Variants in PLAT observed in about 807,000 individuals in gnomAD.
PLAT encodes the protein plasminogen activator, tissue type, also known as tissue-type plasminogen activator.
A neutral mutation model predicts 74.9 loss-of-function variants in PLAT; 48 were observed. The ratio of observed to expected loss-of-function variants is 0.64; its 90% CI spans 0.51 to 0.82. PLAT has a LOEUF of 0.82. Ranked by LOEUF, PLAT falls within the 40% of genes least tolerant of loss-of-function variation. The probability of loss-of-function intolerance (pLI) is 0.00; values close to 1 mark genes in which losing one functional copy is unlikely to be tolerated. For synonymous variants in PLAT, 307 were observed against 294.4 expected (o/e 1.04, Z -0.44); for missense variants, 673 against 736.2 (o/e 0.91, Z 0.99).
intron 1 of PLAT, among the ~76,000 whole-genome samples, chr8:42,197,592 C>A (rs992412293): frequency 6.6e-6 from 1 of 152,072 alleles, no homozygotes; most frequent in Admixed American, 6.6e-5. Flanking sequence ...AAATGATGGT[C>A]GATGGGCACC....
At chr8:42,179,857 C>T (rs980186180) in intron 12 of PLAT, 69 bp downstream of exon 12, 2 of 1,440,836 alleles carry the variant, frequency 1.4e-6, no homozygotes, top group Non-Finnish European at 1.8e-6. Flanking sequence ...ACCCCATTTT[C>T]CTCTGGTGGA....
intron 1 of PLAT, among the ~76,000 whole-genome samples, chr8:42,203,424 T>C (rs1806209002): frequency 2.0e-5 from 3 of 152,288 alleles, no homozygotes; most frequent in South Asian, 4.1e-4. Flanking sequence ...TATACTTGTA[T>C]AGGAAGAACA....
intron 9 of PLAT, among the ~76,000 whole-genome samples, chr8:42,181,208 G>A (rs889174823): frequency 2.0e-5 from 3 of 152,192 alleles, no homozygotes; most frequent in Non-Finnish European, 2.9e-5. Context: ...GTGTCTCATC[G>A]TCCCAGTTGG....
intron 1 of PLAT, chr8:42,193,767 G>C (rs929131392): frequency 2.0e-5 from 3 of 152,748 alleles, no homozygotes; most frequent in Non-Finnish European, 4.4e-5. Context: ...CCAGGCTGGA[G>C]TGCAGTGGTG....
intron 1 of PLAT, among the ~76,000 whole-genome samples, chr8:42,194,896 T>C (rs8178718): frequency 0.02 from 3,032 of 152,018 alleles, 91 homozygotes; most frequent in African/African-American, 0.07. Flanking sequence ...CAAATGATGT[T>C]TGGTCGGAAG....
At position 42,175,806 on chromosome 8, in the gene PLAT, T is replaced by G. The variant is rs952083953; in HGVS notation, c.*187A>C. 12 of 574,384 alleles carry G rather than the reference T, an allele frequency of 2.1e-5. No individual in the cohort carries two copies. The highest frequency in any genetic ancestry group is 1.8e-4 in the Admixed American group (6 of 32,762). 35.6% of individuals were successfully genotyped at this position (574,384 alleles called of 1,614,324 possible). ...CAGAGTATCCTGAAATCAGACCAAG[T>G]CCTGAAAACTTCCAAAATGGGAAGT... On this transcript the variant is annotated 3_prime_UTR_variant, in exon 14 of 14. Coordinates refer to ENST00000220809, the MANE Select transcript of PLAT (RefSeq NM_000930.5).
At chr8:42,187,683 G>A (rs902149539) in intron 5 of PLAT, 111 bp from the exon 6 acceptor site, 10 of 1,071,586 alleles carry the variant, frequency 9.3e-6, no homozygotes, top group Middle Eastern at 3.1e-4. Flanking sequence ...AGGCTGGCTC[G>A]GAAGCCACAG....
chr8:42,191,276 G>A lies in PLAT; in HGVS notation c.115+96C>T. Reference sequence around the variant, plus strand: ...CACTGTCACACCGTAGGCAGGTGGTGGGTGGAAGAAGGCAGGTGGTGGGTG... The same window carrying A: ...CACTGTCACACCGTAGGCAGGTGGTAGGTGGAAGAAGGCAGGTGGTGGGTG... On this transcript the variant is annotated intron_variant, in intron 3 of 13. Coordinates refer to ENST00000220809, the MANE Select transcript of PLAT (RefSeq NM_000930.5). 6.4e-6 allele frequency: 6 copies of A among 937,938 alleles called. No individual in the cohort carries two copies. The South Asian group carries it at 7.8e-5, about 12-fold the overall frequency. 58.1% of individuals were successfully genotyped at this position (937,938 alleles called of 1,614,324 possible). A position where few individuals can be genotyped will look rare whatever the true frequency, so the allele number is the denominator to read the frequency against.
chr8:42,199,580 G>C (rs917258328), intron 1 of PLAT, among the ~76,000 whole-genome samples: 14 of 152,036 alleles, frequency 9.2e-5, no homozygotes, highest in Non-Finnish European at 1.0e-4. Flanking sequence ...AGCTACAGCA[G>C]GCATGTCCAG....
chr8:42,185,223 T>A, intron 6 of PLAT, 51 bp from the exon 7 acceptor site: 4 of 1,181,332 alleles, frequency 3.4e-6, no homozygotes, highest in Non-Finnish European at 4.9e-6. Flanking sequence ...GTGAAGCCTC[T>A]CCTTTAGGAC....
At chr8:42,194,241 A>AGAGAGAGTGT (rs1419569830) in intron 1 of PLAT, among the ~76,000 whole-genome samples, 15 of 52,578 alleles carry the variant, frequency 2.9e-4, no homozygotes, top group African/African-American at 1.0e-3. Context: ...AGAGAGAGAG[A>AGAGAGAGTGT]GTGTGTGTGT....
rs796143433 is a variant in PLAT at position 42,187,528 on chromosome 8, C to T, written c.409G>A (p.Gly137Ser). 2.5e-6 allele frequency: 4 copies of T among 1,610,302 alleles called. No homozygotes were observed. The highest frequency in any genetic ancestry group is 3.4e-6 in the Non-Finnish European group (4 of 1,178,306). ...CCACTCTCCGCTGTGCTCCACGTGC[C>T]CCTGTAGCTGATGCCCTGGTCCTCG... ...CYEDQGISYRGTWSTAESGAE... is the reference protein window; with the variant it reads ...CYEDQGISYRSTWSTAESGAE... The change falls in exon 6 of 14, where the codon GGC (glycine) becomes AGC (serine). Residue 137 changes from glycine to serine, a missense_variant. Gly to Ser is a moderately conservative substitution (Grantham distance 56). Transcript: ENST00000220809.
chr8:42,180,078 AAAG>A lies in PLAT; in HGVS notation c.1223-15_1223-13del. The A allele has an allele frequency of 6.2e-7, 1 of 1,600,958 alleles. No homozygotes were observed. Among genetic ancestry groups the A allele is most frequent in the Non-Finnish European group, 8.5e-7 (1 of 1,171,196 alleles). On this transcript the variant is annotated splice_polypyrimidine_tract_variant and intron_variant, in intron 11 of 13. Coordinates refer to ENST00000220809, the MANE Select transcript of PLAT (RefSeq NM_000930.5). ...CAGCTGCAGCAGCGCTGGGAGGGAG[AAAG>A]GAGGAGTGAGCTGGCGTGAGGGCCG...
intron 1 of PLAT, among the ~76,000 whole-genome samples, chr8:42,197,737 C>G (rs1805963571): frequency 6.6e-6 from 1 of 152,130 alleles, no homozygotes; most frequent in Non-Finnish European, 1.5e-5. Context: ...CTCTACCGGC[C>G]CCATCTTCCC....
intron 1 of PLAT, among the ~76,000 whole-genome samples, chr8:42,196,242 C>T (rs190092926): frequency 6.6e-5 from 10 of 152,266 alleles, no homozygotes; most frequent in Admixed American, 4.6e-4. Context: ...TGCAACTGAA[C>T]GGTCTGAATA....
At chr8:42,200,561 C>G (rs1022062216) in intron 1 of PLAT, among the ~76,000 whole-genome samples, 1 of 151,416 alleles carries the variant, frequency 6.6e-6, no homozygotes, top group Non-Finnish European at 1.5e-5. Context: ...CCTGTAGTCC[C>G]AGCTACTTGG....
chr8:42,179,880 C>A, intron 12 of PLAT, 46 bp downstream of exon 12: 1 of 1,510,528 alleles, frequency 6.6e-7, no homozygotes, highest in East Asian at 2.3e-5. Flanking sequence ...GCAGCCTCCC[C>A]TGCTGTCCCG....
chr8:42,176,675 T>C (rs1804985601), intron 13 of PLAT, among the ~76,000 whole-genome samples: 1 of 152,238 alleles, frequency 6.6e-6, no homozygotes, highest in Non-Finnish European at 1.5e-5. Context: ...GAGCCTGCCC[T>C]ATTTGTGATT....
chr8:42,189,111 C>T (rs772939601), intron 3 of PLAT, 40 bp from the exon 4 acceptor site: 1 of 1,598,264 alleles, frequency 6.3e-7, no homozygotes, highest in Non-Finnish European at 8.6e-7. Context: ...GAGTATGACT[C>T]AAAATGAAAT....
Sources: allele counts gnomAD v4.1 joint callset (sites outside exome capture counted in the v4.1 genomes callset), GRCh38; gene constraint gnomAD v4.1.1; transcripts MANE v1.5; gene names NCBI Gene and HGNC (gene_info 2026-07-23, HGNC 2026-07-21).